RNF20: variants seen among roughly 807,000 people sequenced by gnomAD.
The protein encoded by RNF20 is ring finger protein 20.
RNF20 carries 84 observed loss-of-function variants against 126.2 expected under a neutral mutation model. The observed-to-expected ratio is 0.67, with a 90% CI of 0.56 to 0.80. The LOEUF is 0.80. Among genes scored for constraint, RNF20 ranks in the 30% least tolerant of loss-of-function variants. RNF20 has a pLI of 0.00. For synonymous variants in RNF20, 400 were observed against 414.3 expected (o/e 0.97, Z 0.42); for missense variants, 869 against 1,188.2 (o/e 0.73, Z 3.95).
In RNF20 at chr9:101,540,644, GT is replaced by G. The variant is rs1389619839; in HGVS notation, c.445+9del. 1 of 1,613,932 alleles carries G rather than the reference GT, an allele frequency of 6.2e-7. No individual in the cohort carries two copies. The highest frequency in any genetic ancestry group is 8.5e-7 in the Non-Finnish European group (1 of 1,179,940). On this transcript the variant is annotated splice_region_variant and intron_variant, in intron 4 of 19. Coordinates refer to ENST00000389120, the MANE Select transcript of RNF20 (RefSeq NM_019592.7). ...AAAGATGACCGAGAGAGAGGCAAGTGTTCGTGATGGATTCTATCACTGCATG... is the reference window on the plus strand; with the variant it reads ...AAAGATGACCGAGAGAGAGGCAAGTGTCGTGATGGATTCTATCACTGCATG...
intron 6 of RNF20, among the ~76,000 whole-genome samples, chr9:101,546,338 A>G (rs958584501): frequency 1.3e-5 from 2 of 152,156 alleles, no homozygotes; most frequent in African/African-American, 4.8e-5. Context: ...CTGACTCTAG[A>G]TTGCTCTGGG....
chr9:101,537,098 T>G (rs912185506), intron 2 of RNF20, among the ~76,000 whole-genome samples: 5 of 152,152 alleles, frequency 3.3e-5, no homozygotes, highest in Admixed American at 6.5e-5. Context: ...GTCTCCAAAG[T>G]GTGCTTGAAG....
At chr9:101,535,688 G>A (rs1345667929) in intron 2 of RNF20, 136 bp downstream of exon 2, 2 of 844,438 alleles carry the variant, frequency 2.4e-6, no homozygotes, top group African/African-American at 3.5e-5. Context: ...CTGAAAGTAG[G>A]TAAAATGATG....
chr9:101,547,702 C>T (rs887730139), intron 9 of RNF20, among the ~76,000 whole-genome samples, 184 bp downstream of exon 9: 4 of 152,106 alleles, frequency 2.6e-5, no homozygotes, highest in African/African-American at 4.8e-5. Context: ...ATAATAAAGG[C>T]CATATAAAAC....
In RNF20 at chr9:101,552,446, G is replaced by A; in HGVS notation, c.1594G>A (p.Glu532Lys). 1 of 1,612,568 alleles carries A rather than the reference G, an allele frequency of 6.2e-7. No homozygotes were observed. The highest frequency in any genetic ancestry group is 1.3e-5 in the African/African-American group (1 of 75,030). ...GTCTAGTACTGAGGACCCGAAGGAT[G>A]AGCCTGCGGAGCTAAAACCAGATTC... ...SQSSTEDPKD[E>K]PAELKPDSED... Residue 532 changes from glutamate to lysine, a missense_variant, in exon 13 of 20, where the codon GAG becomes AAG. Coordinates refer to ENST00000389120, the MANE Select transcript of RNF20 (RefSeq NM_019592.7).
chr9:101,552,455 G>T lies in RNF20; in HGVS notation c.1603G>T (p.Glu535Ter). 6.2e-7 allele frequency: 1 copy of T among 1,613,296 alleles called. No homozygotes were observed. Among genetic ancestry groups the T allele is most frequent in the Non-Finnish European group, 8.5e-7 (1 of 1,179,262 alleles). ...TGAGGACCCGAAGGATGAGCCTGCG[G>T]AGCTAAAACCAGATTCTGAGGACTT... is the stretch of plus-strand genomic sequence containing the variant. ...STEDPKDEPA[E>*]LKPDSEDLSS... is the part of the protein sequence containing the mutation. Residue 535 changes from glutamate to a stop codon, truncating the protein, a stop_gained, in exon 13 of 20, where the codon GAG becomes TAG. Transcript: ENST00000389120. LOFTEE classifies it high-confidence loss of function.
rs368374541 is a variant in RNF20 at position 101,547,228 on chromosome 9, C to T, written c.972+14C>T. The T allele has an allele frequency of 7.4e-6, 12 of 1,613,410 alleles. No individual in the cohort carries two copies. Among genetic ancestry groups the T allele is most frequent in the African/African-American group, 2.7e-5 (2 of 74,876 alleles). Reference sequence around the variant, plus strand: ...AATGCTCGGAAGGTAAAATCAGTGACTCAGGACATGTTTTGGACTGTATGT... The same window carrying T: ...AATGCTCGGAAGGTAAAATCAGTGATTCAGGACATGTTTTGGACTGTATGT... On this transcript the variant is annotated intron_variant, in intron 8 of 19. Transcript: ENST00000389120.
At chr9:101,559,754 A>G (rs1373326982) in intron 16 of RNF20, among the ~76,000 whole-genome samples, 2 of 152,272 alleles carry the variant, frequency 1.3e-5, no homozygotes, top group African/African-American at 2.4e-5. Context: ...TTAATTTTGT[A>G]TAGTGAAGCT....
At chr9:101,561,775 C>T (rs1827631210) in intron 18 of RNF20, 135 bp from the exon 19 acceptor site, 1 of 734,108 alleles carries the variant, frequency 1.4e-6, no homozygotes, top group Non-Finnish European at 2.5e-6. Context: ...CAGTTCTCTA[C>T]ATTTCTACAA....
intron 5 of RNF20, among the ~76,000 whole-genome samples, chr9:101,542,080 T>G (rs1051558446): frequency 1.3e-5 from 2 of 152,172 alleles, no homozygotes; most frequent in Non-Finnish European, 2.9e-5. Flanking sequence ...AGGAAATAAG[T>G]TGAATGTAAT....
intron 9 of RNF20, among the ~76,000 whole-genome samples, chr9:101,548,911 G>A (rs1442416540): frequency 5.9e-5 from 9 of 152,178 alleles, no homozygotes; most frequent in Admixed American, 1.3e-4. Context: ...AGTGCTTACC[G>A]AAGTGATTCC....
At chr9:101,547,743 G>C (rs545310429) in intron 9 of RNF20, among the ~76,000 whole-genome samples, 1 of 152,166 alleles carries the variant, frequency 6.6e-6, no homozygotes, top group South Asian at 2.1e-4. Flanking sequence ...ACCCAATGGC[G>C]AAAAGTTGAA....
chr9:101,562,008 C>A lies in RNF20; in HGVS notation c.2748C>A (p.Tyr916Ter). Residue 916 changes from tyrosine to a stop codon, truncating the protein, a stop_gained, in exon 19 of 20, where the codon TAC (tyrosine) becomes TAA (stop). Transcript: ENST00000389120. LOFTEE classifies it high-confidence loss of function. ...DEILMEEIKDYKARLTCPCCN... is the reference protein window; with the variant it reads ...DEILMEEIKD ...TTCTGATGGAAGAGATTAAGGATTA[C>A]AAGGTTAGAAAAAATGCCTTAGTGA... 6.2e-7 allele frequency: 1 copy of A among 1,600,470 alleles called. No homozygotes were observed. Among genetic ancestry groups the A allele is most frequent in the Admixed American group, 1.7e-5 (1 of 57,416 alleles).
Position 101,562,469 on chromosome 9 carries a change from A to G in RNF20, c.*47A>G, listed in dbSNP as rs1827644041. 4 of 1,544,398 alleles carry G rather than the reference A, an allele frequency of 2.6e-6. No individual in the cohort carries two copies. The South Asian group carries it at 4.7e-5, about 18-fold the overall frequency. ...GAGCTGGCTAGTCAGGAACTTATTC[A>G]TTAACCACCAAACCTCTACCTCTTC... On this transcript the variant is annotated 3_prime_UTR_variant, in exon 20 of 20. Coordinates refer to ENST00000389120, the MANE Select transcript of RNF20 (RefSeq NM_019592.7).
chr9:101,552,567 A>G lies in RNF20; in HGVS notation c.1715A>G (p.Glu572Gly). Residue 572 changes from glutamate to glycine, a missense_variant, in exon 13 of 20, where the codon GAA (glutamate) becomes GGA (glycine). Glu to Gly is a moderately conservative substitution (Grantham distance 98, BLOSUM62 -2). Coordinates refer to ENST00000389120, the MANE Select transcript of RNF20 (RefSeq NM_019592.7). ...CGGGATGAAGAAGAACGAGAACGAG[A>G]AAGGAGGGAGAAGGAGAGGGAACGA... ...SKRDEEERER[E>G]RREKERERER... is the part of the protein sequence containing the mutation. 6.2e-7 allele frequency: 1 copy of G among 1,610,146 alleles called. No homozygotes were observed. The highest frequency in any genetic ancestry group is 8.5e-7 in the Non-Finnish European group (1 of 1,176,428).
At chr9:101,553,172 G>T (rs1342757604) in intron 13 of RNF20, among the ~76,000 whole-genome samples, 1 of 152,162 alleles carries the variant, frequency 6.6e-6, no homozygotes, top group Non-Finnish European at 1.5e-5. Flanking sequence ...TTGCCTGAGA[G>T]TTAACTGGTT....
rs774612563 is a variant in RNF20 at position 101,544,761 on chromosome 9, C to T, written c.629-6C>T. The T allele has an allele frequency of 6.4e-7, 1 of 1,559,604 alleles. No individual in the cohort carries two copies. The highest frequency in any genetic ancestry group is 8.8e-7 in the Non-Finnish European group (1 of 1,130,540). ...GCTAAATTAAAGTATAGTTCTTCTT[C>T]CCCAGATAATCTGATAGTGGAGGAA... is the stretch of plus-strand genomic sequence containing the variant. On this transcript the variant is annotated splice_polypyrimidine_tract_variant and splice_region_variant and intron_variant, in intron 5 of 19. Coordinates refer to ENST00000389120, the MANE Select transcript of RNF20 (RefSeq NM_019592.7).
rs1827472695 is a variant in RNF20, at chr9:101,552,872, A to G, written c.1901+119A>G. On this transcript the variant is annotated intron_variant, in intron 13 of 19. Transcript: ENST00000389120. ...TCGTTTTAATGTTTTAGATTGTACA[A>G]TTAATTTGGTTTCAAGTCGTGTTCA... 21 of 1,083,348 alleles carry G rather than the reference A, an allele frequency of 1.9e-5. No individual in the cohort carries two copies. The South Asian group carries it at 2.5e-4, about 13-fold the overall frequency. 67.1% of individuals were successfully genotyped at this position (1,083,348 alleles called of 1,614,324 possible).
chr9:101,535,885 T>C (rs890127783), intron 2 of RNF20, among the ~76,000 whole-genome samples: 7 of 152,212 alleles, frequency 4.6e-5, no homozygotes, highest in African/African-American at 1.7e-4. Flanking sequence ...TAAGAGACAG[T>C]TTAGCAATCA....
Sources: gnomAD v4.1 joint callset for allele counts (sites outside exome capture counted in the v4.1 genomes callset) on GRCh38, gnomAD v4.1.1 for gene constraint, MANE v1.5 for transcripts, NCBI Gene and HGNC (gene_info 2026-07-23, HGNC 2026-07-21) for gene names.